GABRG2: variants seen among roughly 807,000 people sequenced by gnomAD.
GABRG2 encodes gamma-aminobutyric acid receptor subunit gamma-2.
A neutral mutation model predicts 56.4 loss-of-function variants in GABRG2; 16 were observed. The ratio of observed to expected loss-of-function variants is 0.28; its 90% CI spans 0.19 to 0.43. The LOEUF (loss-of-function observed/expected upper bound fraction) is 0.43. Ranked by LOEUF, GABRG2 falls within the 20% of genes least tolerant of loss-of-function variation. The pLI is 1.00. For synonymous variants in GABRG2, 208 were observed against 205.5 expected, an observed-to-expected ratio of 1.01 and a Z score of -0.10; for missense variants, 327 against 582.7, an observed-to-expected ratio of 0.56 and a Z score of 4.52.
chr5:162,104,076 T>A (rs777566374), intron 6 of GABRG2, 50 bp downstream of exon 6: 1 of 1,598,140 alleles, frequency 6.3e-7, no homozygotes, highest in Admixed American at 1.7e-5. Context: ...GAGTTGAAAT[T>A]TTGGTATATA....
rs1439991663 is a variant in GABRG2 at position 162,116,873 on chromosome 5, G to A, written c.769+12847G>A. ...GAGGTTGAAAGGAATTCCTAATCAC[G>A]TGAATGGGGAATAGAGTCCCAGGCT... On this transcript the variant is annotated intron_variant, in intron 6 of 9. Transcript: ENST00000639213. Among the ~76,000 whole-genome samples, 7 of 152,204 alleles carry A rather than the reference G, an allele frequency of 4.6e-5. 1 individual carries two copies. Among genetic ancestry groups the A allele is most frequent in the South Asian group, 2.1e-4 (1 of 4,820 alleles).
At chr5:162,120,001 T>C (rs1762877195) in intron 6 of GABRG2, among the ~76,000 whole-genome samples, 1 of 152,094 alleles carries the variant, frequency 6.6e-6, no homozygotes, top group Non-Finnish European at 1.5e-5. Context: ...TTGCCATGCC[T>C]AGTGCCTCTC....
intron 6 of GABRG2, among the ~76,000 whole-genome samples, chr5:162,104,757 T>C (rs1481753734): frequency 1.1e-5 from 1 of 94,148 alleles, no homozygotes; most frequent in Non-Finnish European, 2.3e-5. Context: ...TGGTCAGGAA[T>C]TGAGATTTAA....
chr5:162,072,858 T>C (rs761013231), intron 1 of GABRG2, among the ~76,000 whole-genome samples: 94 of 152,008 alleles, frequency 6.2e-4, no homozygotes, highest in Non-Finnish European at 1.2e-3. Flanking sequence ...TGAATGTGGA[T>C]ATAAGTAAAC....
intron 6 of GABRG2, 95 bp downstream of exon 6, chr5:162,104,121 T>A: frequency 9.0e-7 from 1 of 1,111,724 alleles, no homozygotes; most frequent in South Asian, 1.3e-5. Context: ...TCTCAATGAA[T>A]GATAATCAGA....
chr5:162,139,810 G>A (rs759979859), intron 6 of GABRG2, among the ~76,000 whole-genome samples: 8 of 152,170 alleles, frequency 5.3e-5, no homozygotes, highest in South Asian at 4.2e-4. Context: ...TCAAGGACTG[G>A]GAAAATAGGA....
chr5:162,136,710 C>G (rs1437058072), intron 6 of GABRG2, among the ~76,000 whole-genome samples: 1 of 152,148 alleles, frequency 6.6e-6, no homozygotes, highest in Non-Finnish European at 1.5e-5. Flanking sequence ...AGCCTTGATG[C>G]CAGGTTTAGA....
intron 3 of GABRG2, among the ~76,000 whole-genome samples, chr5:162,096,220 A>G (rs1760986225): frequency 6.6e-6 from 1 of 152,092 alleles, no homozygotes; most frequent in African/African-American, 2.4e-5. Context: ...CATCACCTGC[A>G]TACTCCAAGC....
intron 1 of GABRG2, chr5:162,083,408 T>A (rs1759813279): frequency 6.5e-6 from 1 of 153,650 alleles, no homozygotes; most frequent in Non-Finnish European, 1.5e-5. Flanking sequence ...CTTGCAAATA[T>A]TTAAAAAATT....
At chr5:162,096,040 T>C (rs1187523710) in intron 3 of GABRG2, among the ~76,000 whole-genome samples, 1 of 151,830 alleles carries the variant, frequency 6.6e-6, no homozygotes, top group East Asian at 1.9e-4. Flanking sequence ...GAATGTAAAA[T>C]AGAGTAGAGC....
At chr5:162,130,748 G>A (rs368940871) in intron 6 of GABRG2, among the ~76,000 whole-genome samples, 9 of 151,986 alleles carry the variant, frequency 5.9e-5, no homozygotes, top group Admixed American at 4.6e-4. Flanking sequence ...TGTAGGATTC[G>A]TTTTTATTTA....
chr5:162,105,581 C>G (rs965069272), intron 6 of GABRG2, among the ~76,000 whole-genome samples: 3 of 151,766 alleles, frequency 2.0e-5, no homozygotes, highest in Non-Finnish European at 4.4e-5. Context: ...AGGCGCCCAC[C>G]ACCACGCCTG....
chr5:162,076,835 A>G (rs1759157142), intron 1 of GABRG2, among the ~76,000 whole-genome samples: 1 of 152,114 alleles, frequency 6.6e-6, no homozygotes, highest in South Asian at 2.1e-4. Context: ...TGTGCCTCAT[A>G]CATCTGATCA....
chr5:162,085,783 T>C (rs1760048269), intron 1 of GABRG2, among the ~76,000 whole-genome samples: 1 of 151,904 alleles, frequency 6.6e-6, no homozygotes, highest in South Asian at 2.1e-4. Flanking sequence ...TATTTGTCCA[T>C]GTGTCCTCAT....
At chr5:162,076,543 CATCCTGT>C (rs1309831038) in intron 1 of GABRG2, among the ~76,000 whole-genome samples, 6 of 152,154 alleles carry the variant, frequency 3.9e-5, no homozygotes, top group Non-Finnish European at 8.8e-5. Context: ...TGAGAAAATA[CATCCTGT>C]CATACAAGAC....
intron 1 of GABRG2, among the ~76,000 whole-genome samples, chr5:162,079,296 T>C (rs976386852): frequency 2.0e-5 from 3 of 152,182 alleles, no homozygotes; most frequent in Admixed American, 6.5e-5. Context: ...CTTGATTCAA[T>C]TTTAGTCTCC....
At chr5:162,110,801 G>A (rs1762198306) in intron 6 of GABRG2, among the ~76,000 whole-genome samples, 2 of 152,114 alleles carry the variant, frequency 1.3e-5, no homozygotes, top group South Asian at 4.1e-4. Context: ...ACTACTTGAA[G>A]CAGCGTAATA....
intron 6 of GABRG2, among the ~76,000 whole-genome samples, chr5:162,135,038 G>T (rs1441685414): frequency 6.6e-6 from 1 of 152,022 alleles, no homozygotes; most frequent in East Asian, 1.9e-4. Flanking sequence ...AAATCAGAAC[G>T]GCAAAGTTTT....
At chr5:162,096,647 G>A (rs1761016490) in intron 3 of GABRG2, among the ~76,000 whole-genome samples, 2 of 151,996 alleles carry the variant, frequency 1.3e-5, no homozygotes, top group South Asian at 4.1e-4. Context: ...TAATCACAGT[G>A]ACACCCAGTG....
Sources: gnomAD v4.1 joint callset for allele counts (sites outside exome capture counted in the v4.1 genomes callset) on GRCh38, gnomAD v4.1.1 for gene constraint, MANE v1.5 for transcripts, NCBI Gene and HGNC (gene_info 2026-07-23, HGNC 2026-07-21) for gene names.